TRHDE: variants seen among roughly 807,000 people sequenced by gnomAD.
TRHDE encodes thyrotropin-releasing hormone-degrading ectoenzyme.
Under a neutral mutation model 125.7 loss-of-function variants are expected in TRHDE, and 72 were observed. The observed-to-expected ratio is 0.57, with a 90% CI of 0.47 to 0.70. The LOEUF (loss-of-function observed/expected upper bound fraction) is 0.70. Among genes scored for constraint, TRHDE ranks in the 30% least tolerant of loss-of-function variants. The pLI, the probability that TRHDE is intolerant of heterozygous loss-of-function variation, is 0.00. For missense variants in TRHDE, 1,110 were observed against 1,327.1 expected, an observed-to-expected ratio of 0.84 and a Z score of 2.54; for synonymous variants, 509 against 509.1, an observed-to-expected ratio of 1.00 and a Z score of 0.00.
At chr12:72,134,691 GAACTCCCTTTATGCTATATGTT>G (rs1304566051) in intron 2 of TRHDE, among the ~76,000 whole-genome samples, 1 of 151,962 alleles carries the variant, frequency 6.6e-6, no homozygotes, top group Non-Finnish European at 1.5e-5. Flanking sequence ...GGAGTTCTTT[GAACTCCCTTTATGCTATATGTT>G]AACTTTATCT....
chr12:72,301,819 G>A (rs1868264146), intron 2 of TRHDE, among the ~76,000 whole-genome samples: 1 of 152,140 alleles, frequency 6.6e-6, no homozygotes, highest in African/African-American at 2.4e-5. Context: ...ACTGTAGGTA[G>A]GGTGGGGGAG....
Position 72,597,117 on chromosome 12 carries a change from T to A in TRHDE, c.2321+21575T>A, listed in dbSNP as rs888765706. ...TTTAACCATATTTGAATTATATCAC[T>A]GAGATAGCACTATAAGAAAGTAAAA... On this transcript the variant is annotated intron_variant, in intron 12 of 18. Transcript: ENST00000261180. Among the ~76,000 whole-genome samples the A allele has an allele frequency of 3.3e-5, 5 of 152,146 alleles. No individual in the cohort carries two copies. The South Asian group carries it at 1.0e-3, about 32-fold the overall frequency.
intron 12 of TRHDE, among the ~76,000 whole-genome samples, chr12:72,611,690 G>A (rs1178326227): frequency 6.6e-6 from 1 of 152,194 alleles, no homozygotes; most frequent in African/African-American, 2.4e-5. Context: ...AGAGTGCTGT[G>A]TGAAATTGTC....
intron 3 of TRHDE, among the ~76,000 whole-genome samples, chr12:72,396,044 A>AG (rs932676990): frequency 2.0e-5 from 3 of 152,072 alleles, no homozygotes; most frequent in Non-Finnish European, 4.4e-5. Context: ...GTACACTTAT[A>AG]GAGGCCAATT....
chr12:72,369,489 CA>C (rs1010450911), intron 2 of TRHDE, among the ~76,000 whole-genome samples: 5 of 151,344 alleles, frequency 3.3e-5, no homozygotes, highest in Non-Finnish European at 7.4e-5. Flanking sequence ...TGTGTCAGGA[CA>C]AAAAAAACCT....
At chr12:72,379,196 C>T (rs561247532) in intron 3 of TRHDE, among the ~76,000 whole-genome samples, 1 of 152,310 alleles carries the variant, frequency 6.6e-6, no homozygotes, top group East Asian at 1.9e-4. Flanking sequence ...ATTGGTCTTG[C>T]AATGAGTAGT....
chr12:72,162,633 T>G (rs969458974), intron 2 of TRHDE, among the ~76,000 whole-genome samples: 7 of 152,166 alleles, frequency 4.6e-5, no homozygotes, highest in Non-Finnish European at 4.4e-5. Context: ...TACATAAAAC[T>G]CTTTCTGCTT....
intron 2 of TRHDE, among the ~76,000 whole-genome samples, chr12:72,302,034 T>G (rs1868269744): frequency 6.6e-6 from 1 of 152,164 alleles, no homozygotes; most frequent in Admixed American, 6.6e-5. Flanking sequence ...TACCAACTTG[T>G]GCAAATGACT....
At chr12:72,271,051 A>T (rs1158310473), upstream of TRHDE, among the ~76,000 whole-genome samples, 2 of 152,246 alleles carry the variant, frequency 1.3e-5, no homozygotes, top group African/African-American at 4.8e-5. Flanking sequence ...CGTTCTAATA[A>T]GCCCAGCTTT....
At chr12:72,406,265 T>G (rs1262241951) in intron 3 of TRHDE, among the ~76,000 whole-genome samples, 2 of 152,206 alleles carry the variant, frequency 1.3e-5, no homozygotes, top group African/African-American at 4.8e-5. Flanking sequence ...TTTTGATTTA[T>G]GAGAATTAGG....
At chr12:72,450,633 T>C (rs11179209) in intron 3 of TRHDE, among the ~76,000 whole-genome samples, 13,759 of 152,124 alleles carry the variant, frequency 0.09, 745 homozygotes, top group Admixed American at 0.14. Flanking sequence ...GACGGAAATT[T>C]TGTACTCCCT....
chr12:72,495,942 G>A (rs990627684), intron 5 of TRHDE, among the ~76,000 whole-genome samples: 4 of 152,144 alleles, frequency 2.6e-5, no homozygotes, highest in Non-Finnish European at 5.9e-5. Context: ...CTATTTAAAT[G>A]TGGGCACATA....
intron 6 of TRHDE, among the ~76,000 whole-genome samples, chr12:72,512,396 AT>A (rs1367855643): frequency 1.1e-4 from 16 of 140,124 alleles, no homozygotes; most frequent in Admixed American, 5.3e-4. Flanking sequence ...ATATATAATT[AT>A]TATTATATAA....
intron 3 of TRHDE, among the ~76,000 whole-genome samples, chr12:72,407,898 G>A (rs1257498247): frequency 1.3e-5 from 2 of 152,198 alleles, no homozygotes; most frequent in Non-Finnish European, 2.9e-5. Flanking sequence ...TGACCTTGAT[G>A]CTTAGCAAAG....
intron 4 of TRHDE, among the ~76,000 whole-genome samples, chr12:72,472,664 G>C (rs1422911147): frequency 6.6e-6 from 1 of 152,160 alleles, no homozygotes; most frequent in Non-Finnish European, 1.5e-5. Context: ...GTTTTCAGCA[G>C]ACATTTACCC....
chr12:72,595,152 T>C (rs1054686325), intron 12 of TRHDE, among the ~76,000 whole-genome samples: 1 of 145,156 alleles, frequency 6.9e-6, no homozygotes, highest in African/African-American at 2.5e-5. Context: ...TTAGGAGATA[T>C]ACCTAATGCT....
intron 3 of TRHDE, among the ~76,000 whole-genome samples, chr12:72,385,414 C>A (rs1872368326): frequency 6.6e-6 from 1 of 151,972 alleles, no homozygotes; most frequent in African/African-American, 2.4e-5. Context: ...AAGGGGCTAA[C>A]CTTTTCCGCC....
intron 3 of TRHDE, among the ~76,000 whole-genome samples, chr12:72,414,813 C>G (rs1873662486): frequency 6.6e-6 from 1 of 152,054 alleles, no homozygotes; most frequent in South Asian, 2.1e-4. Flanking sequence ...TTGTTGATCT[C>G]TTTACATACA....
At chr12:72,372,240 T>G (rs1174167627) in intron 2 of TRHDE, among the ~76,000 whole-genome samples, 10 of 151,384 alleles carry the variant, frequency 6.6e-5, no homozygotes, top group Admixed American at 2.0e-4. Context: ...GATGGGGTTG[T>G]TTTTTTTTCT....
Sources: gnomAD v4.1 joint callset for allele counts (sites outside exome capture counted in the v4.1 genomes callset) on GRCh38, gnomAD v4.1.1 for gene constraint, MANE v1.5 for transcripts, NCBI Gene and HGNC (gene_info 2026-07-23, HGNC 2026-07-21) for gene names.